SORCS2: variants seen among roughly 807,000 people sequenced by gnomAD.
The protein encoded by SORCS2 is sortilin related VPS10 domain containing receptor 2.
In SORCS2, 100 loss-of-function variants were observed where a neutral mutation model predicts 141.6. The observed-to-expected ratio is 0.71, with a 90% confidence interval of 0.60 to 0.83. The LOEUF is 0.83. Among genes scored for constraint, SORCS2 ranks in the 40% least tolerant of loss-of-function variants. The probability of loss-of-function intolerance (pLI) is 0.00; values close to 1 mark genes in which losing one functional copy is unlikely to be tolerated. For synonymous variants in SORCS2, 789 were observed against 676.9 expected (o/e 1.17, Z -2.57); for missense variants, 1,646 against 1,560.2 (o/e 1.05, Z -0.93).
chr4:7,407,293 T>C (rs1725026837), intron 2 of SORCS2, among the ~76,000 whole-genome samples: 1 of 152,166 alleles, frequency 6.6e-6, no homozygotes, highest in Admixed American at 6.5e-5. Flanking sequence ...AGTCCCCTGC[T>C]GTTACTGTAT....
chr4:7,707,255 C>G (rs1172273631), intron 14 of SORCS2, among the ~76,000 whole-genome samples: 1 of 152,226 alleles, frequency 6.6e-6, no homozygotes, highest in Non-Finnish European at 1.5e-5. Flanking sequence ...ACACTCAGCC[C>G]TGGCTTTAGG....
At chr4:7,372,030 G>A (rs370161673) in intron 1 of SORCS2, among the ~76,000 whole-genome samples, 1 of 152,150 alleles carries the variant, frequency 6.6e-6, no homozygotes, top group African/African-American at 2.4e-5. Flanking sequence ...CAGTATGGGC[G>A]ACTTGTGTGG....
intron 3 of SORCS2, among the ~76,000 whole-genome samples, chr4:7,539,213 G>GC (rs1256906788): frequency 2.6e-5 from 4 of 152,296 alleles, no homozygotes; most frequent in East Asian, 3.9e-4. Context: ...ACAGGGCCCT[G>GC]CCCCCCAGGA....
chr4:7,277,850 A>T (rs1715607316), intron 1 of SORCS2, among the ~76,000 whole-genome samples: 1 of 152,132 alleles, frequency 6.6e-6, no homozygotes, highest in Non-Finnish European at 1.5e-5. Flanking sequence ...TTTGGACCTG[A>T]TGGTGGCTAG....
chr4:7,247,938 G>A (rs570996604), intron 1 of SORCS2, among the ~76,000 whole-genome samples: 1 of 152,234 alleles, frequency 6.6e-6, no homozygotes, highest in African/African-American at 2.4e-5. Flanking sequence ...TCAGCAACGG[G>A]ATCCCCCCAA....
chr4:7,742,253 C>CTT lies in SORCS2; in HGVS notation c.*1990_*1991insTT, dbSNP rs1712734333. The CTT allele has an allele frequency of 6.6e-6, 1 of 152,272 alleles. No individual in the cohort carries two copies. Among genetic ancestry groups the CTT allele is most frequent in the Non-Finnish European group, 1.5e-5 (1 of 68,114 alleles). 9.4% of individuals were successfully genotyped at this position (152,272 alleles called of 1,614,324 possible). A position where few individuals can be genotyped will look rare whatever the true frequency, so the allele number is the denominator to read the frequency against. ...GGACACCTTTGCAGGGATTCTTGTC[C>CTT]TGCTGGCCACCCCACCCACACCTGT... On this transcript the variant is annotated 3_prime_UTR_variant, in exon 27 of 27. Transcript: ENST00000507866.
At chr4:7,209,605 T>A (rs568213998) in intron 1 of SORCS2, among the ~76,000 whole-genome samples, 2 of 152,234 alleles carry the variant, frequency 1.3e-5, no homozygotes, top group Admixed American at 6.5e-5. Context: ...CTCGACTGCA[T>A]GTTTGGAGCA....
Position 7,731,088 on chromosome 4 carries a change from A to C in SORCS2, c.3108+1376A>C, listed in dbSNP as rs535769441. On this transcript the variant is annotated intron_variant, in intron 23 of 26. Coordinates refer to ENST00000507866, the MANE Select transcript of SORCS2 (RefSeq NM_020777.3). ...CCGTCAGAAAGGACCGGAGGCAATC[A>C]AACAGCAGAAGCGCTTCTACACACT... Among the ~76,000 whole-genome samples the C allele has an allele frequency of 7.9e-5, 12 of 152,356 alleles. No individual in the cohort carries two copies. In the South Asian group the frequency reaches 2.5e-3, roughly 32 times the overall value.
intron 3 of SORCS2, among the ~76,000 whole-genome samples, chr4:7,599,902 C>T (rs1717545637): frequency 6.6e-6 from 1 of 151,450 alleles, no homozygotes; most frequent in Non-Finnish European, 1.5e-5. Context: ...CAGCTCACTA[C>T]AGCCTCCGCC....
At chr4:7,638,623 C>A in intron 4 of SORCS2, 131 bp downstream of exon 4, 1 of 960,160 alleles carries the variant, frequency 1.0e-6, no homozygotes, top group Non-Finnish European at 1.5e-6. Context: ...CCTCCCGGGG[C>A]TGGGGGCCGG....
chr4:7,593,655 G>T (rs1717063315), intron 3 of SORCS2, among the ~76,000 whole-genome samples: 1 of 152,182 alleles, frequency 6.6e-6, no homozygotes. Context: ...GCCAACCTGG[G>T]GGCGGGGGTG....
At chr4:7,343,192 C>A (rs1018460132) in intron 1 of SORCS2, among the ~76,000 whole-genome samples, 2 of 152,212 alleles carry the variant, frequency 1.3e-5, no homozygotes, top group African/African-American at 2.4e-5. Context: ...CGCCCTCAGA[C>A]GTGAGGTGGG....
chr4:7,472,056 G>A (rs995866648), intron 2 of SORCS2, among the ~76,000 whole-genome samples: 1 of 152,258 alleles, frequency 6.6e-6, no homozygotes, highest in Non-Finnish European at 1.5e-5. Context: ...ATGCCTCGGG[G>A]ATGAGTGCTC....
chr4:7,494,709 G>T (rs1208732903), intron 2 of SORCS2, among the ~76,000 whole-genome samples: 1 of 152,228 alleles, frequency 6.6e-6, no homozygotes, highest in Non-Finnish European at 1.5e-5. Context: ...CCATGAAACA[G>T]GGAACAGCTT....
chr4:7,628,409 C>G (rs1719660700), intron 3 of SORCS2, among the ~76,000 whole-genome samples: 2 of 151,512 alleles, frequency 1.3e-5, no homozygotes, highest in Non-Finnish European at 2.9e-5. Flanking sequence ...GTCCCAGCTA[C>G]TAGGGAGGCT....
rs988559952 is a variant in SORCS2, at chr4:7,193,326, C to T, written c.480+200C>T. ...TTACTTGGGGAGAGGTCCTCAGATTCGTACGCTTGTCTCACCGCAGGGGAC... is the reference window on the plus strand; with the variant it reads ...TTACTTGGGGAGAGGTCCTCAGATTTGTACGCTTGTCTCACCGCAGGGGAC... On this transcript the variant is annotated intron_variant, in intron 1 of 26. Coordinates refer to ENST00000507866, the MANE Select transcript of SORCS2 (RefSeq NM_020777.3). This position sits in a 1 kb window ranked among gnomAD's most constrained non-coding sequence, Gnocchi z 4.8. 2.0e-5 allele frequency among the ~76,000 whole-genome samples: 3 copies of T among 152,180 alleles called. No individual in the cohort carries two copies. Among genetic ancestry groups the T allele is most frequent in the African/African-American group, 7.2e-5 (3 of 41,460 alleles).
intron 1 of SORCS2, among the ~76,000 whole-genome samples, chr4:7,263,926 T>G (rs1274392964): frequency 2.0e-5 from 3 of 152,218 alleles, no homozygotes; most frequent in African/African-American, 4.8e-5. Context: ...GGCAAGCTGG[T>G]GAACTTCATT....
intron 2 of SORCS2, among the ~76,000 whole-genome samples, chr4:7,498,328 T>C (rs957578912): frequency 1.3e-5 from 2 of 152,032 alleles, no homozygotes; most frequent in African/African-American, 4.8e-5. Flanking sequence ...TTGCTACGGG[T>C]AAAGGGGAGG....
chr4:7,211,813 G>A (rs1035989571), intron 1 of SORCS2, among the ~76,000 whole-genome samples: 3 of 152,150 alleles, frequency 2.0e-5, no homozygotes, highest in Non-Finnish European at 4.4e-5. Context: ...GAGGCGGGGG[G>A]CCCCTGGGAG....
Sources: gnomAD v4.1 joint callset for allele counts (sites outside exome capture counted in the v4.1 genomes callset) on GRCh38, gnomAD v4.1.1 for gene constraint, Gnocchi (gnomAD v3.1) non-coding constraint, MANE v1.5 for transcripts, NCBI Gene and HGNC (gene_info 2026-07-23, HGNC 2026-07-21) for gene names.